Variants in PIK3CB observed in about 807,000 individuals in gnomAD.
The protein encoded by PIK3CB is phosphatidylinositol-4,5-bisphosphate 3-kinase catalytic subunit beta.
PIK3CB carries 39 observed loss-of-function variants against 136.8 expected under a neutral mutation model. The ratio of observed to expected loss-of-function variants is 0.29; its 90% CI spans 0.22 to 0.37. The LOEUF is 0.37. Ranked by LOEUF, PIK3CB falls within the 10% of genes least tolerant of loss-of-function variation. The probability of loss-of-function intolerance (pLI) is 1.00; values close to 1 mark genes in which losing one functional copy is unlikely to be tolerated. For missense variants in PIK3CB, 868 were observed against 1,275.4 expected, an observed-to-expected ratio of 0.68 and a Z score of 4.87; for synonymous variants, 428 against 436.6, an observed-to-expected ratio of 0.98 and a Z score of 0.25.
intron 8 of PIK3CB, among the ~76,000 whole-genome samples, chr3:138,728,645 T>C (rs2044896570): frequency 1.3e-5 from 2 of 151,788 alleles, no homozygotes; most frequent in South Asian, 4.2e-4. Context: ...CCAGGCATGG[T>C]GGCGGGTGCC....
intron 1 of PIK3CB, among the ~76,000 whole-genome samples, chr3:138,822,366 T>G (rs558601708): frequency 6.6e-6 from 1 of 151,742 alleles, no homozygotes; most frequent in African/African-American, 2.4e-5. Context: ...GCCAATACGG[T>G]GAAGCCCTGT....
intron 6 of PIK3CB, among the ~76,000 whole-genome samples, chr3:138,736,937 C>T (rs1313331012): frequency 2.0e-5 from 3 of 152,070 alleles, no homozygotes; most frequent in Non-Finnish European, 2.9e-5. Flanking sequence ...AGTTTTTATA[C>T]AATTCAATGG....
At chr3:138,663,365 TTAAC>T (rs1279078541) in intron 21 of PIK3CB, among the ~76,000 whole-genome samples, 6 of 152,176 alleles carry the variant, frequency 3.9e-5, no homozygotes, top group African/African-American at 1.4e-4. Context: ...ACAGGCCACT[TTAAC>T]TACAAAAATT....
At chr3:138,691,173 CCAAA>C in intron 14 of PIK3CB, 30 bp from the exon 15 acceptor site, 2 of 1,597,582 alleles carry the variant, frequency 1.3e-6, no homozygotes, top group South Asian at 2.2e-5. Context: ...CAGTGAGTAA[CCAAA>C]CAACCTGTGC....
At chr3:138,693,933 T>TAA (rs1222779647) in intron 14 of PIK3CB, among the ~76,000 whole-genome samples, 6 of 50,764 alleles carry the variant, frequency 1.2e-4, no homozygotes, top group South Asian at 1.6e-3. Flanking sequence ...TGTATTTGCT[T>TAA]AAAATATATA....
intron 2 of PIK3CB, among the ~76,000 whole-genome samples, chr3:138,781,843 C>T (rs1040350628): frequency 2.0e-5 from 3 of 152,032 alleles, no homozygotes; most frequent in Non-Finnish European, 2.9e-5. Flanking sequence ...GATCACTTGA[C>T]GCCAGGCAGT....
At chr3:138,687,014 A>G (rs969800901) in intron 16 of PIK3CB, among the ~76,000 whole-genome samples, 2 of 152,352 alleles carry the variant, frequency 1.3e-5, no homozygotes, top group Non-Finnish European at 1.5e-5. Context: ...AGTATGTGAA[A>G]TTTGAAACTT....
At chr3:138,817,875 G>C (rs1576430813) in intron 1 of PIK3CB, among the ~76,000 whole-genome samples, 1 of 152,122 alleles carries the variant, frequency 6.6e-6, no homozygotes, top group East Asian at 1.9e-4. Flanking sequence ...GCAAGTACTT[G>C]AGCCCTGGAG....
At position 138,696,005 on chromosome 3, in the gene PIK3CB, A is replaced by T. The variant is rs1016081741; in HGVS notation, c.1771-1098T>A. Among the ~76,000 whole-genome samples, 4 of 138,794 alleles carry T rather than the reference A, an allele frequency of 2.9e-5. No individual in the cohort carries two copies. The South Asian group carries it at 8.9e-4, about 31-fold the overall frequency. 91.1% of individuals were successfully genotyped at this position (138,794 alleles called of 152,430 possible). A position where few individuals can be genotyped will look rare whatever the true frequency, so the allele number is the denominator to read the frequency against. On this transcript the variant is annotated intron_variant, in intron 13 of 23. Coordinates refer to ENST00000674063, the MANE Select transcript of PIK3CB (RefSeq NM_006219.3). ...AGGCTGGTCTTGAACTCCTGACGTCAGGTGATCCACCCACCTTGGCCCCAA... is the reference window on the plus strand; with the variant it reads ...AGGCTGGTCTTGAACTCCTGACGTCTGGTGATCCACCCACCTTGGCCCCAA...
intron 1 of PIK3CB, among the ~76,000 whole-genome samples, chr3:138,833,082 T>C (rs1201687647): frequency 6.6e-6 from 1 of 151,460 alleles, no homozygotes; most frequent in East Asian, 2.0e-4. Context: ...TTTTTTTCTT[T>C]TTGAGACAGG....
At chr3:138,707,063 A>C in intron 11 of PIK3CB, 96 bp downstream of exon 11, 1 of 808,650 alleles carries the variant, frequency 1.2e-6, no homozygotes, top group Non-Finnish European at 2.1e-6. Context: ...ACTGTATGGG[A>C]AGTTTTGAAA....
rs1225608244 is a variant in PIK3CB at position 138,717,294 on chromosome 3, TG to T, written c.1051-2576del. On this transcript the variant is annotated intron_variant, in intron 8 of 23. Coordinates refer to ENST00000674063, the MANE Select transcript of PIK3CB (RefSeq NM_006219.3). ...AAAGAAGTAGTTTATAGTGGATAGC[TG>T]GAATATTGGTGATTGTTGTCTCCTC... 2.0e-5 allele frequency among the ~76,000 whole-genome samples: 3 copies of T among 151,688 alleles called. No individual in the cohort carries two copies. The East Asian group carries it at 5.8e-4, about 29-fold the overall frequency.
At chr3:138,757,543 G>A (rs889187930) in intron 3 of PIK3CB, among the ~76,000 whole-genome samples, 2 of 139,506 alleles carry the variant, frequency 1.4e-5, no homozygotes, top group Admixed American at 7.3e-5. Flanking sequence ...AAACAAGATC[G>A]TATCTCTTAG....
intron 1 of PIK3CB, among the ~76,000 whole-genome samples, chr3:138,799,176 C>CTTT (rs1157343453): frequency 1.1e-4 from 15 of 130,968 alleles, no homozygotes; most frequent in African/African-American, 2.8e-4. Flanking sequence ...TCAAATCTTA[C>CTTT]TTTTTTTTTT....
At chr3:138,748,957 A>G (rs1023527748) in intron 4 of PIK3CB, among the ~76,000 whole-genome samples, 1 of 152,178 alleles carries the variant, frequency 6.6e-6, no homozygotes, top group African/African-American at 2.4e-5. Flanking sequence ...AATAGTTGTT[A>G]TTTCAAAAAT....
At chr3:138,695,968 A>C (rs1577085074) in intron 13 of PIK3CB, among the ~76,000 whole-genome samples, 1 of 100,322 alleles carries the variant, frequency 1.0e-5, no homozygotes, top group Non-Finnish European at 1.9e-5. Flanking sequence ...ATGGGGTTTC[A>C]CCATGTTGGC....
At chr3:138,677,625 G>A (rs1396482906) in intron 19 of PIK3CB, among the ~76,000 whole-genome samples, 2 of 152,206 alleles carry the variant, frequency 1.3e-5, no homozygotes, top group African/African-American at 2.4e-5. Context: ...GGCTGGGCGC[G>A]GTGACTCATG....
intron 19 of PIK3CB, among the ~76,000 whole-genome samples, chr3:138,676,617 T>G (rs990214760): frequency 6.6e-6 from 1 of 152,212 alleles, no homozygotes; most frequent in African/African-American, 2.4e-5. Context: ...CATTAACTGA[T>G]GTATGGATAA....
At chr3:138,665,317 C>T in intron 19 of PIK3CB, 114 bp from the exon 20 acceptor site, 3 of 679,188 alleles carry the variant, frequency 4.4e-6, no homozygotes, top group Admixed American at 3.6e-5. Flanking sequence ...ATATACTTGC[C>T]ATTACTATAT....
Sources: allele counts gnomAD v4.1 joint callset (sites outside exome capture counted in the v4.1 genomes callset), GRCh38; gene constraint gnomAD v4.1.1; transcripts MANE v1.5; gene names NCBI Gene and HGNC (gene_info 2026-07-23, HGNC 2026-07-21).